Variants in DNAJC1 observed in about 807,000 individuals in gnomAD.
DNAJC1 encodes the protein DnaJ heat shock protein family (Hsp40) member C1, also known as dnaJ homolog subfamily C member 1.
A neutral mutation model predicts 76.6 loss-of-function variants in DNAJC1; 58 were observed. The ratio of observed to expected loss-of-function variants is 0.76; its 90% CI spans 0.61 to 0.94. The LOEUF (loss-of-function observed/expected upper bound fraction) is 0.94. Among genes scored for constraint, DNAJC1 ranks in the 40% least tolerant of loss-of-function variants. The probability of loss-of-function intolerance (pLI) is 0.00; values close to 1 mark genes in which losing one functional copy is unlikely to be tolerated. For synonymous variants in DNAJC1, 258 were observed against 267.9 expected, an observed-to-expected ratio of 0.96 and a Z score of 0.36; for missense variants, 689 against 677.3, an observed-to-expected ratio of 1.02 and a Z score of -0.19.
At chr10:21,883,240 A>G (rs1193070583) in intron 7 of DNAJC1, among the ~76,000 whole-genome samples, 2 of 133,594 alleles carry the variant, frequency 1.5e-5, no homozygotes, top group Non-Finnish European at 3.2e-5. Flanking sequence ...ACAGAGTGAG[A>G]TTCTATCTCA....
intron 7 of DNAJC1, among the ~76,000 whole-genome samples, chr10:21,883,018 G>A (rs923890253): frequency 6.6e-6 from 1 of 152,096 alleles, no homozygotes; most frequent in Non-Finnish European, 1.5e-5. Flanking sequence ...GGGAGGCCAA[G>A]GCAGGTGCAT....
Position 21,928,579 on chromosome 10 carries a change from A to G in DNAJC1, c.325-27T>C, listed in dbSNP as rs369945967. On this transcript the variant is annotated intron_variant, in intron 2 of 11. Transcript: ENST00000376980. ...TAAAATAAAAGCATTACTTTAAAAT[A>G]AAAATACTCTCAACTATAAGAAATC... The G allele has an allele frequency of 1.4e-5, 22 of 1,573,546 alleles. No individual in the cohort carries two copies. The African/African-American group carries it at 3.0e-4, about 21-fold the overall frequency.
At chr10:21,772,533 C>T (rs887261185) in intron 9 of DNAJC1, among the ~76,000 whole-genome samples, 1 of 152,070 alleles carries the variant, frequency 6.6e-6, no homozygotes, top group East Asian at 1.9e-4. Context: ...CATTTATTCA[C>T]GATTGTATTC....
chr10:21,927,424 CT>C (rs1468781987), intron 3 of DNAJC1, among the ~76,000 whole-genome samples: 1 of 152,156 alleles, frequency 6.6e-6, no homozygotes, highest in African/African-American at 2.4e-5. Context: ...TATTACCCCC[CT>C]AGTGAAGGAC....
At position 21,882,403 on chromosome 10, in the gene DNAJC1, G is replaced by A. The variant is rs1408267953; in HGVS notation, c.857C>T (p.Pro286Leu). ...TGTAGTTTCTAAAGGTGTGTATACAGGAAATTCAGGTTTTGGTTTTTTAAC... is the reference window on the plus strand; with the variant it reads ...TGTAGTTTCTAAAGGTGTGTATACAAGAAATTCAGGTTTTGGTTTTTTAAC... Reference protein sequence around the residue: ...KKVKKPKPEFPVYTPLETTYI... With the variant: ...KKVKKPKPEFLVYTPLETTYI... The change falls in exon 8 of 12, where the codon CCT becomes CTT. Residue 286 changes from proline (P) to leucine (L), a missense_variant. Transcript: ENST00000376980. The A allele has an allele frequency of 1.3e-6, 2 of 1,524,484 alleles. No homozygotes were observed. The highest frequency in any genetic ancestry group is 1.7e-6 in the Non-Finnish European group (2 of 1,143,410). 94.4% of individuals were successfully genotyped at this position (1,524,484 alleles called of 1,614,324 possible).
intron 9 of DNAJC1, among the ~76,000 whole-genome samples, chr10:21,781,040 G>A (rs1013571283): frequency 6.6e-6 from 1 of 152,206 alleles, no homozygotes; most frequent in Non-Finnish European, 1.5e-5. Context: ...AACAAGAAGA[G>A]CTAACTATCC....
intron 1 of DNAJC1, among the ~76,000 whole-genome samples, chr10:21,950,202 C>T (rs1837569108): frequency 6.6e-6 from 1 of 152,078 alleles, no homozygotes; most frequent in Non-Finnish European, 1.5e-5. Context: ...TGTATGGGTG[C>T]CATTTTTCCA....
At chr10:21,833,966 G>C (rs1229387356) in intron 8 of DNAJC1, among the ~76,000 whole-genome samples, 1 of 152,072 alleles carries the variant, frequency 6.6e-6, no homozygotes, top group African/African-American at 2.4e-5. Flanking sequence ...AATACTTTAT[G>C]AAAGAGGGGT....
At chr10:21,914,265 C>T (rs779005013) in intron 6 of DNAJC1, among the ~76,000 whole-genome samples, 2 of 152,142 alleles carry the variant, frequency 1.3e-5, no homozygotes, top group Non-Finnish European at 2.9e-5. Context: ...CTTTGTTCTT[C>T]TATCACTTCT....
chr10:21,957,947 G>A (rs538056115), intron 1 of DNAJC1, among the ~76,000 whole-genome samples: 1 of 152,068 alleles, frequency 6.6e-6, no homozygotes, highest in African/African-American at 2.4e-5. Flanking sequence ...ATTAAAACAG[G>A]CTCATAATAC....
At chr10:21,854,758 G>C (rs1335775986) in intron 8 of DNAJC1, among the ~76,000 whole-genome samples, 2 of 152,032 alleles carry the variant, frequency 1.3e-5, no homozygotes, top group Non-Finnish European at 2.9e-5. Flanking sequence ...CTTATAATTA[G>C]GTTTAACAAA....
At chr10:21,828,470 G>C (rs1347041163) in intron 8 of DNAJC1, among the ~76,000 whole-genome samples, 3 of 152,174 alleles carry the variant, frequency 2.0e-5, no homozygotes, top group African/African-American at 4.8e-5. Context: ...TTAATGTACA[G>C]AGTTTCACCT....
chr10:22,001,446 G>A, intron 1 of DNAJC1, among the ~76,000 whole-genome samples: 1 of 152,192 alleles, frequency 6.6e-6, no homozygotes, highest in East Asian at 1.9e-4. Flanking sequence ...CAGCTGGATA[G>A]AGAAACACAG....
chr10:21,852,701 T>C (rs1835776797), intron 8 of DNAJC1, among the ~76,000 whole-genome samples: 1 of 151,872 alleles, frequency 6.6e-6, no homozygotes, highest in Non-Finnish European at 1.5e-5. Flanking sequence ...ATACCAAGCA[T>C]AATGCTTGGT....
At chr10:21,775,486 A>C (rs1284912481) in intron 9 of DNAJC1, among the ~76,000 whole-genome samples, 1 of 152,010 alleles carries the variant, frequency 6.6e-6, no homozygotes, top group Non-Finnish European at 1.5e-5. Flanking sequence ...GTAGATAAAG[A>C]AGTTTCCTAA....
At chr10:21,856,116 C>G (rs554514440) in intron 8 of DNAJC1, among the ~76,000 whole-genome samples, 1 of 152,178 alleles carries the variant, frequency 6.6e-6, no homozygotes, top group East Asian at 1.9e-4. Flanking sequence ...ATACATTCTC[C>G]TGAAGGTAGA....
At chr10:21,937,453 G>A (rs1837328856) in intron 1 of DNAJC1, among the ~76,000 whole-genome samples, 1 of 151,914 alleles carries the variant, frequency 6.6e-6, no homozygotes, top group Admixed American at 6.6e-5. Context: ...ACCTAACAGA[G>A]CCCCAAAATA....
chr10:21,947,679 C>A (rs1837528915), intron 1 of DNAJC1, among the ~76,000 whole-genome samples: 1 of 152,088 alleles, frequency 6.6e-6, no homozygotes, highest in Non-Finnish European at 1.5e-5. Context: ...ACCCCTAACC[C>A]CTCTGTTGTT....
intron 9 of DNAJC1, among the ~76,000 whole-genome samples, chr10:21,777,899 T>C (rs1220277964): frequency 6.6e-6 from 1 of 152,188 alleles, no homozygotes; most frequent in East Asian, 1.9e-4. Flanking sequence ...GTAAAATTGA[T>C]ATCACAGGCT....
Sources: gnomAD v4.1 joint callset for allele counts (sites outside exome capture counted in the v4.1 genomes callset) on GRCh38, gnomAD v4.1.1 for gene constraint, MANE v1.5 for transcripts, NCBI Gene and HGNC (gene_info 2026-07-23, HGNC 2026-07-21) for gene names.